Variants in GRID2 observed in about 807,000 individuals in gnomAD.
The protein encoded by GRID2 is glutamate receptor ionotropic, delta-2.
A neutral mutation model predicts 114.8 loss-of-function variants in GRID2; 33 were observed. The observed-to-expected ratio is 0.29, with a 90% CI of 0.22 to 0.38. The LOEUF is 0.38. Among genes scored for constraint, GRID2 ranks in the 10% least tolerant of loss-of-function variants. The pLI, the probability that GRID2 is intolerant of heterozygous loss-of-function variation, is 1.00. For missense variants in GRID2, 1,184 were observed against 1,257.7 expected, an observed-to-expected ratio of 0.94 and a Z score of 0.89; for synonymous variants, 505 against 449.9, an observed-to-expected ratio of 1.12 and a Z score of -1.55.
At chr4:93,729,054 G>T (rs1040244812) in intron 14 of GRID2, among the ~76,000 whole-genome samples, 1 of 152,100 alleles carries the variant, frequency 6.6e-6, no homozygotes, top group Non-Finnish European at 1.5e-5. Flanking sequence ...TATTTTGCTC[G>T]TTAGTTGATG....
chr4:93,032,736 T>C (rs1367772457), intron 2 of GRID2, among the ~76,000 whole-genome samples: 1 of 152,180 alleles, frequency 6.6e-6, no homozygotes, highest in Non-Finnish European at 1.5e-5. Context: ...ACAATTATCA[T>C]ATTTAGGCTG....
At chr4:93,334,757 C>T (rs1758855189) in intron 8 of GRID2, among the ~76,000 whole-genome samples, 1 of 152,086 alleles carries the variant, frequency 6.6e-6, no homozygotes. Context: ...GGAGAAACCC[C>T]ATCTCAACTA....
At chr4:92,676,382 G>C (rs2149280535) in intron 2 of GRID2, among the ~76,000 whole-genome samples, 1 of 151,644 alleles carries the variant, frequency 6.6e-6, no homozygotes, top group South Asian at 2.1e-4. Context: ...GGGTTTCACT[G>C]TGTTAGCCAG....
chr4:93,005,509 T>C (rs1423366199), intron 2 of GRID2, among the ~76,000 whole-genome samples: 1 of 152,046 alleles, frequency 6.6e-6, no homozygotes, highest in East Asian at 1.9e-4. Flanking sequence ...ATGGATACTT[T>C]CCTCGGAACT....
chr4:93,112,987 G>C (rs1413515154), intron 4 of GRID2, among the ~76,000 whole-genome samples: 1 of 152,050 alleles, frequency 6.6e-6, no homozygotes, highest in Non-Finnish European at 1.5e-5. Context: ...ATATTCTAAG[G>C]TACCGGATAT....
chr4:92,606,273 T>G (rs1229256964), intron 2 of GRID2, among the ~76,000 whole-genome samples: 1 of 152,024 alleles, frequency 6.6e-6, no homozygotes, highest in Non-Finnish European at 1.5e-5. Flanking sequence ...AATACTTTGT[T>G]TTCTCCTGAT....
intron 14 of GRID2, among the ~76,000 whole-genome samples, chr4:93,722,700 T>C (rs1250520349): frequency 6.6e-6 from 1 of 152,234 alleles, no homozygotes; most frequent in Non-Finnish European, 1.5e-5. Context: ...GACTTGCAGC[T>C]CTGTCTCCTG....
chr4:92,632,487 G>T (rs1188460916), intron 2 of GRID2, among the ~76,000 whole-genome samples: 2 of 151,978 alleles, frequency 1.3e-5, no homozygotes, highest in African/African-American at 4.8e-5. Context: ...ACAAAAATGA[G>T]CTGGTCATAG....
intron 8 of GRID2, among the ~76,000 whole-genome samples, chr4:93,327,362 C>G (rs1757943051): frequency 6.6e-6 from 1 of 152,130 alleles, no homozygotes; most frequent in Non-Finnish European, 1.5e-5. Context: ...TCACCTCAGT[C>G]AACAATACAG....
At chr4:93,490,240 A>G (rs1580229110) in intron 11 of GRID2, among the ~76,000 whole-genome samples, 1 of 151,892 alleles carries the variant, frequency 6.6e-6, no homozygotes, top group Non-Finnish European at 1.5e-5. Context: ...TAATCCTTTC[A>G]ATATTATTTA....
chr4:92,868,996 T>C (rs1745091264), intron 2 of GRID2, among the ~76,000 whole-genome samples: 1 of 152,196 alleles, frequency 6.6e-6, no homozygotes, highest in African/African-American at 2.4e-5. Context: ...CATATTAGGA[T>C]GATAAGTATA....
intron 1 of GRID2, among the ~76,000 whole-genome samples, chr4:92,434,392 G>A (rs1732629600): frequency 6.6e-6 from 1 of 152,264 alleles, no homozygotes; most frequent in Non-Finnish European, 1.5e-5. Context: ...CTGAAACAAT[G>A]TTCTCTTAAA....
intron 2 of GRID2, among the ~76,000 whole-genome samples, chr4:92,939,793 G>C (rs1750959517): frequency 6.8e-6 from 1 of 147,350 alleles, no homozygotes; most frequent in African/African-American, 2.4e-5. Flanking sequence ...TGGCTAGCCA[G>C]TTTTCCCAGC....
intron 1 of GRID2, among the ~76,000 whole-genome samples, chr4:92,323,361 C>G (rs772384468): frequency 1.3e-5 from 2 of 152,076 alleles, no homozygotes; most frequent in African/African-American, 2.4e-5. Flanking sequence ...TAATTCTTCT[C>G]TAGATACCAT....
intron 13 of GRID2, among the ~76,000 whole-genome samples, chr4:93,518,268 T>G (rs2149494685): frequency 6.6e-6 from 1 of 151,900 alleles, no homozygotes; most frequent in East Asian, 2.0e-4. Flanking sequence ...ACCGATCTCA[T>G]CTACCATCTT....
chr4:92,863,863 A>G (rs975899062), intron 2 of GRID2, among the ~76,000 whole-genome samples: 10 of 152,108 alleles, frequency 6.6e-5, no homozygotes, highest in African/African-American at 2.2e-4. Context: ...ACTAAGATCT[A>G]TGACCTCAAT....
chr4:92,348,081 A>T (rs2110177047), intron 1 of GRID2, among the ~76,000 whole-genome samples: 1 of 152,216 alleles, frequency 6.6e-6, no homozygotes, highest in South Asian at 2.1e-4. Flanking sequence ...TCAGCCTCCC[A>T]AATAGCTGGG....
intron 2 of GRID2, among the ~76,000 whole-genome samples, chr4:92,815,282 C>CACA (rs1740839691): frequency 6.6e-6 from 1 of 151,960 alleles, no homozygotes; most frequent in East Asian, 1.9e-4. Flanking sequence ...CATTATTGTG[C>CACA]TTAGTAAGTG....
At position 92,501,443 on chromosome 4, in the gene GRID2, G is replaced by A. The variant is rs528158163; in HGVS notation, c.89-88688G>A. Among the ~76,000 whole-genome samples the A allele has an allele frequency of 2.3e-4, 35 of 152,280 alleles. No individual in the cohort carries two copies. The South Asian group carries it at 6.8e-3, about 30-fold the overall frequency. ...TCAATGTGCCCACAAAACAGGGTTG[G>A]CACAGGAGGAATGAAGGGAATGGAG... is the stretch of plus-strand genomic sequence containing the variant. On this transcript the variant is annotated intron_variant, in intron 1 of 15. Coordinates refer to ENST00000282020, the MANE Select transcript of GRID2 (RefSeq NM_001510.4).
Sources: allele counts gnomAD v4.1 joint callset (sites outside exome capture counted in the v4.1 genomes callset), GRCh38; gene constraint gnomAD v4.1.1; transcripts MANE v1.5; gene names NCBI Gene and HGNC (gene_info 2026-07-23, HGNC 2026-07-21).